The following CSMD1 variants were observed in gnomAD, a reference collection of about 807,000 sequenced individuals.
CSMD1 encodes CUB and sushi domain-containing protein 1.
Under a neutral mutation model 417.5 loss-of-function variants are expected in CSMD1, and 213 were observed. The ratio of observed to expected loss-of-function variants is 0.51; its 90% CI spans 0.46 to 0.57. CSMD1 has a LOEUF of 0.57. Among genes scored for constraint, CSMD1 ranks in the 20% least tolerant of loss-of-function variants. The pLI is 0.00. For synonymous variants in CSMD1, 2,862 were observed against 1,736.8 expected, an observed-to-expected ratio of 1.65 and a Z score of -16.11; for missense variants, 6,923 against 4,529.7, an observed-to-expected ratio of 1.53 and a Z score of -15.17.
At chr8:4,406,354 G>C (rs1479141782) in intron 3 of CSMD1, among the ~76,000 whole-genome samples, 2 of 152,058 alleles carry the variant, frequency 1.3e-5, no homozygotes, top group Non-Finnish European at 2.9e-5. Context: ...AGAATTTAGG[G>C]AAAGAGAGAT....
chr8:2,945,782 T>C (rs1315519562), intron 68 of CSMD1, among the ~76,000 whole-genome samples: 1 of 152,164 alleles, frequency 6.6e-6, no homozygotes, highest in Non-Finnish European at 1.5e-5. Context: ...TCCTTGGCTG[T>C]TGCAACCACA....
In CSMD1 at chr8:4,523,498, A is replaced by C. The variant is rs56371719; in HGVS notation, c.303-103433T>G. ...TATGTTATGATAAGAGGAGTGTAGG[A>C]TGGCTGTTGCTAGTTTTCCTTCTCT... On this transcript the variant is annotated intron_variant, in intron 2 of 69. Transcript: ENST00000635120. Among the ~76,000 whole-genome samples the C allele has an allele frequency of 6.1e-3, 924 of 152,236 alleles. 14 individuals carry two copies. The highest frequency in any genetic ancestry group is 0.02 in the African/African-American group (824 of 41,524).
At chr8:4,898,412 A>T (rs989766940) in intron 1 of CSMD1, among the ~76,000 whole-genome samples, 2 of 151,502 alleles carry the variant, frequency 1.3e-5, no homozygotes, top group African/African-American at 4.9e-5. Context: ...CAGGCCACAC[A>T]GTGACTGGGT....
chr8:3,695,815 C>A (rs984713125), intron 7 of CSMD1, among the ~76,000 whole-genome samples: 4 of 152,156 alleles, frequency 2.6e-5, no homozygotes, highest in Non-Finnish European at 5.9e-5. Flanking sequence ...AAACACTTTT[C>A]CAACTTAAAA....
chr8:4,940,705 A>C (rs2117234177), intron 1 of CSMD1, among the ~76,000 whole-genome samples: 1 of 152,316 alleles, frequency 6.6e-6, no homozygotes, highest in African/African-American at 2.4e-5. Context: ...CAACCAATTA[A>C]AATATGCATG....
At chr8:4,312,911 A>G (rs185303913) in intron 3 of CSMD1, among the ~76,000 whole-genome samples, 65 of 152,308 alleles carry the variant, frequency 4.3e-4, no homozygotes, top group Middle Eastern at 3.4e-3. Context: ...GGCAAAAACA[A>G]TAACACTGAT....
chr8:3,726,076 G>T (rs1347520348), intron 6 of CSMD1, among the ~76,000 whole-genome samples: 4 of 152,128 alleles, frequency 2.6e-5, no homozygotes, highest in Non-Finnish European at 4.4e-5. Context: ...CATGCCATGA[G>T]GGTACTCAAG....
At chr8:4,384,367 T>C (rs1019153256) in intron 3 of CSMD1, among the ~76,000 whole-genome samples, 2 of 152,146 alleles carry the variant, frequency 1.3e-5, no homozygotes, top group Non-Finnish European at 2.9e-5. Context: ...CTGAGGCCCA[T>C]CACTATGAAG....
chr8:4,533,172 A>G (rs959392840), intron 2 of CSMD1, among the ~76,000 whole-genome samples: 2 of 152,168 alleles, frequency 1.3e-5, no homozygotes, highest in African/African-American at 4.8e-5. Flanking sequence ...TTCAGGGTGT[A>G]CCCACGTGGT....
intron 3 of CSMD1, among the ~76,000 whole-genome samples, chr8:4,054,200 G>C (rs1798576565): frequency 6.6e-6 from 1 of 152,134 alleles, no homozygotes; most frequent in Admixed American, 6.5e-5. Flanking sequence ...GCCATGAGAA[G>C]AAATGATTTG....
rs1322714405 is a variant in CSMD1 at position 4,267,341 on chromosome 8, G to A, written c.415+152612C>T. On this transcript the variant is annotated intron_variant, in intron 3 of 69. Transcript: ENST00000635120. ...AAAATTATAAAATAGCAATTAGGAT[G>A]AAAAAGTAACAATAAGAGTTTAAAA... 1.4e-4 allele frequency among the ~76,000 whole-genome samples: 11 copies of A among 79,602 alleles called. 2 individuals carry two copies. Among genetic ancestry groups the A allele is most frequent in the African/African-American group, 3.3e-4 (11 of 33,576 alleles). 52.2% of individuals were successfully genotyped at this position (79,602 alleles called of 152,430 possible).
At chr8:4,392,056 C>G (rs1803884595) in intron 3 of CSMD1, among the ~76,000 whole-genome samples, 1 of 152,134 alleles carries the variant, frequency 6.6e-6, no homozygotes, top group African/African-American at 2.4e-5. Flanking sequence ...CAATGCGACC[C>G]TGTGGGACAC....
chr8:3,553,113 G>T (rs1308754079), intron 10 of CSMD1, among the ~76,000 whole-genome samples: 1 of 134,238 alleles, frequency 7.4e-6, no homozygotes, highest in African/African-American at 2.6e-5. Context: ...AAAATAAATT[G>T]TGGACAAGGA....
chr8:3,912,987 G>T (rs958430490), intron 5 of CSMD1, among the ~76,000 whole-genome samples: 7 of 152,128 alleles, frequency 4.6e-5, no homozygotes, highest in African/African-American at 1.7e-4. Flanking sequence ...GGAAGACACA[G>T]GAAAGCCTAC....
chr8:4,078,849 A>C (rs1186124570), intron 3 of CSMD1, among the ~76,000 whole-genome samples: 1 of 145,654 alleles, frequency 6.9e-6, no homozygotes, highest in Non-Finnish European at 1.5e-5. Context: ...TATGTTGGCC[A>C]ACGTAGTGAA....
chr8:4,580,513 G>T (rs973124238), intron 2 of CSMD1, among the ~76,000 whole-genome samples: 1 of 152,158 alleles, frequency 6.6e-6, no homozygotes, highest in African/African-American at 2.4e-5. Context: ...TGAGGTTCTG[G>T]CTCGGGCCGT....
intron 54 of CSMD1, among the ~76,000 whole-genome samples, chr8:2,983,611 T>C (rs1019537908): frequency 6.6e-6 from 1 of 152,254 alleles, no homozygotes; most frequent in Admixed American, 6.5e-5. Context: ...CTTTCACTTG[T>C]ATATCCAAAA....
intron 2 of CSMD1, among the ~76,000 whole-genome samples, chr8:4,440,864 G>T (rs890736083): frequency 6.6e-6 from 1 of 151,556 alleles, no homozygotes; most frequent in Admixed American, 6.6e-5. Flanking sequence ...GGGAGTGGGG[G>T]TGAATGCCTA....
At chr8:3,014,540 C>T (rs577260271) in intron 52 of CSMD1, among the ~76,000 whole-genome samples, 43 of 152,210 alleles carry the variant, frequency 2.8e-4, no homozygotes, top group African/African-American at 6.7e-4. Flanking sequence ...TCAGCTGATT[C>T]GGATGAAATT....
Sources: allele counts gnomAD v4.1 joint callset (sites outside exome capture counted in the v4.1 genomes callset), GRCh38; gene constraint gnomAD v4.1.1; transcripts MANE v1.5; gene names NCBI Gene and HGNC (gene_info 2026-07-23, HGNC 2026-07-21).